NUDC: variants seen among roughly 807,000 people sequenced by gnomAD.
The protein encoded by NUDC is nuclear migration protein nudC.
A neutral mutation model predicts 45.0 loss-of-function variants in NUDC; 14 were observed. The ratio of observed to expected loss-of-function variants is 0.31; its 90% CI spans 0.21 to 0.49. The LOEUF (loss-of-function observed/expected upper bound fraction) is 0.49. Among genes scored for constraint, NUDC ranks in the 20% least tolerant of loss-of-function variants. The pLI is 0.99. For synonymous variants in NUDC, 153 were observed against 156.7 expected (o/e 0.98, Z 0.17); for missense variants, 323 against 426.2 (o/e 0.76, Z 2.13).
At chr1:26,933,614 A>G (rs377511651) in intron 2 of NUDC, among the ~76,000 whole-genome samples, 1 of 151,378 alleles carries the variant, frequency 6.6e-6, no homozygotes, top group East Asian at 2.0e-4. Context: ...GGGTTTCACC[A>G]TGTTGGCCAG....
rs67296768 is a variant in NUDC, at chr1:26,915,058, C to CATATATATATATAT, written c.93+3828_93+3841dup. 2.8e-3 allele frequency among the ~76,000 whole-genome samples: 397 copies of CATATATATATATAT among 140,498 alleles called. 3 individuals are homozygous for CATATATATATATAT. The highest frequency in any genetic ancestry group is 3.6e-3 in the Non-Finnish European group (236 of 64,950). 92.2% of individuals were successfully genotyped at this position (140,498 alleles called of 152,430 possible). On this transcript the variant is annotated intron_variant, in intron 3 of 6. Transcript: ENST00000435827. The stretch of plus-strand genomic sequence containing the variant: ...ATATATATATACACATACATACATA[C>CATATATATATATAT]ATATATATATATATATATGTATATA...
intron 2 of NUDC, among the ~76,000 whole-genome samples, chr1:26,937,345 C>G (rs1282045541): frequency 6.6e-6 from 1 of 152,074 alleles, no homozygotes; most frequent in Admixed American, 6.6e-5. Context: ...TCACTGTAAC[C>G]TTCAGTTCAC....
chr1:26,935,601 A>ACC (rs1036035989), intron 2 of NUDC, among the ~76,000 whole-genome samples: 1 of 151,314 alleles, frequency 6.6e-6, no homozygotes, highest in African/African-American at 2.4e-5. Flanking sequence ...GATTCAAATT[A>ACC]CCCCCCACCA....
intron 2 of NUDC, among the ~76,000 whole-genome samples, chr1:26,903,988 G>A (rs1458378236): frequency 7.0e-6 from 1 of 143,588 alleles, no homozygotes; most frequent in Non-Finnish European, 1.6e-5. Context: ...TCCAGCCTGG[G>A]TGACAGAGCA....
In NUDC at chr1:26,945,615, G is replaced by A. The variant is rs760190899; in HGVS notation, c.873G>A (p.Met291Ile). ...SETRSMVEKM[M>I]YDQRQKSMGL... ...CTCGCAGCATGGTGGAAAAGATGAT[G>A]TATGACCAGCGACAGAAGTCCATGG... is the stretch of plus-strand genomic sequence containing the variant. Residue 291 changes from methionine (M) to isoleucine (I), a missense_variant, in exon 8 of 9, where the codon ATG (methionine) becomes ATA (isoleucine). Coordinates refer to ENST00000321265, the MANE Select transcript of NUDC (RefSeq NM_006600.4). 4 of 1,614,206 alleles carry A rather than the reference G, an allele frequency of 2.5e-6. No individual in the cohort carries two copies. Among genetic ancestry groups the A allele is most frequent in the Non-Finnish European group, 3.4e-6 (4 of 1,180,038 alleles).
chr1:26,930,947 C>T (rs2082178024), intron 2 of NUDC, among the ~76,000 whole-genome samples: 1 of 151,726 alleles, frequency 6.6e-6, no homozygotes, highest in African/African-American at 2.4e-5. Context: ...ACCTGGGAGA[C>T]AGAGTTTGCA....
intron 2 of NUDC, among the ~76,000 whole-genome samples, chr1:26,933,888 C>T (rs907319480): frequency 2.4e-4 from 36 of 152,184 alleles, no homozygotes; most frequent in East Asian, 1.3e-3. Flanking sequence ...GGCACGGTGG[C>T]TCACGCCTGT....
chr1:26,911,444 G>C, intron 3 of NUDC: 1 of 343,588 alleles, frequency 2.9e-6, no homozygotes, highest in Non-Finnish European at 5.7e-6. Flanking sequence ...CCCTGGAGGT[G>C]AGACAGTCCC....
intron 2 of NUDC, among the ~76,000 whole-genome samples, chr1:26,939,516 A>G (rs2082260424): frequency 6.6e-6 from 1 of 152,126 alleles, no homozygotes; most frequent in Admixed American, 6.5e-5. Context: ...AGTCCCAGCC[A>G]CTGGGGAGGC....
chr1:26,913,416 G>A, intron 3 of NUDC: 1 of 1,614,138 alleles, frequency 6.2e-7, no homozygotes, highest in Non-Finnish European at 8.5e-7. Flanking sequence ...CACCGGGGTT[G>A]AAGAGGATGG....
intron 1 of NUDC, chr1:26,922,186 C>T (rs900017971): frequency 2.8e-5 from 16 of 562,404 alleles, no homozygotes; most frequent in Admixed American, 1.2e-4. Context: ...TTTAGTTTCA[C>T]ATATGCCCCC....
chr1:26,933,796 A>G (rs772758810), intron 2 of NUDC, among the ~76,000 whole-genome samples: 15 of 152,134 alleles, frequency 9.9e-5, no homozygotes, highest in Non-Finnish European at 1.8e-4. Flanking sequence ...GTACATGAGG[A>G]TTCTGTATTA....
chr1:26,904,307 G>A (rs970496370), intron 2 of NUDC, among the ~76,000 whole-genome samples: 11 of 150,392 alleles, frequency 7.3e-5, no homozygotes, highest in Non-Finnish European at 1.6e-4. Flanking sequence ...TAAGTAACTG[G>A]GACTACAGGC....
chr1:26,900,702 C>A (rs1317760059), intron 1 of NUDC, among the ~76,000 whole-genome samples: 3 of 152,076 alleles, frequency 2.0e-5, no homozygotes, highest in African/African-American at 7.2e-5. Context: ...AAGAAGCCTG[C>A]GGGAGGGGTC....
rs535584665 is a variant in NUDC at position 26,924,812 on chromosome 1, A to G, written c.159+646A>G. Among the ~76,000 whole-genome samples the G allele has an allele frequency of 3.8e-4, 57 of 151,560 alleles. No homozygotes were observed. The East Asian group carries it at 0.01, about 27-fold the overall frequency. Reference sequence around the variant, plus strand: ...ATGATCCACCCGCCTCGGCCTCCCAAAGTGCTGGGATTACAGGTATAAGCC... The same window carrying G: ...ATGATCCACCCGCCTCGGCCTCCCAGAGTGCTGGGATTACAGGTATAAGCC... On this transcript the variant is annotated intron_variant, in intron 2 of 8. Transcript: ENST00000321265.
chr1:26,940,073 G>A (rs1020788734), intron 2 of NUDC, among the ~76,000 whole-genome samples: 1 of 152,164 alleles, frequency 6.6e-6, no homozygotes, highest in Admixed American at 6.5e-5. Flanking sequence ...AGGTGTAGTG[G>A]AGAAAAAGGA....
At chr1:26,920,777 A>G (rs1335556011), upstream of NUDC, among the ~76,000 whole-genome samples, 2 of 113,138 alleles carry the variant, frequency 1.8e-5, no homozygotes, top group Non-Finnish European at 3.7e-5. Flanking sequence ...AACAAAAAAC[A>G]AAAAAAAAAA....
intron 2 of NUDC, among the ~76,000 whole-genome samples, chr1:26,909,163 C>T (rs1356700220): frequency 1.3e-5 from 2 of 152,088 alleles, no homozygotes; most frequent in Non-Finnish European, 2.9e-5. Context: ...TTAGTAGAGA[C>T]AGGGTTTCAC....
At chr1:26,913,122 T>C (rs2082037982) in intron 3 of NUDC, among the ~76,000 whole-genome samples, 1 of 152,046 alleles carries the variant, frequency 6.6e-6, no homozygotes, top group Non-Finnish European at 1.5e-5. Flanking sequence ...CCATCTCTAC[T>C]AAAAAGTACA....
Sources: gnomAD v4.1 joint callset for allele counts (sites outside exome capture counted in the v4.1 genomes callset) on GRCh38, gnomAD v4.1.1 for gene constraint, MANE v1.5 for transcripts, NCBI Gene and HGNC (gene_info 2026-07-23, HGNC 2026-07-21) for gene names.